DCT: variants seen among roughly 807,000 people sequenced by gnomAD.
DCT encodes the protein dopachrome tautomerase.
DCT carries 47 observed loss-of-function variants against 53.0 expected under a neutral mutation model. That is an observed-to-expected ratio of 0.89 (90% CI 0.70 to 1.13). DCT has a LOEUF of 1.13. Ranked by LOEUF, DCT falls within the 50% of genes most tolerant of loss-of-function variation. The probability of loss-of-function intolerance (pLI) is 0.00; values close to 1 mark genes in which losing one functional copy is unlikely to be tolerated. For synonymous variants in DCT, 244 were observed against 237.0 expected (o/e 1.03, Z -0.27); for missense variants, 669 against 637.4 (o/e 1.05, Z -0.53).
intron 6 of DCT, among the ~76,000 whole-genome samples, chr13:94,449,251 G>A (rs1428750712): frequency 1.3e-5 from 2 of 152,178 alleles, no homozygotes; most frequent in African/African-American, 2.4e-5. Flanking sequence ...ACAAGAAAGT[G>A]TGCATTATTT....
At chr13:94,461,235 T>C (rs1883766570) in intron 5 of DCT, among the ~76,000 whole-genome samples, 1 of 152,198 alleles carries the variant, frequency 6.6e-6, no homozygotes, top group South Asian at 2.1e-4. Context: ...GAAATGCAAG[T>C]TGTTAAGACA....
At chr13:94,504,465 T>C in the DCT span, among the ~76,000 whole-genome samples, 1 of 152,204 alleles carries the variant, frequency 6.6e-6, no homozygotes, top group Non-Finnish European at 1.5e-5. Flanking sequence ...CCTCCCAGGT[T>C]CCAGTGATTC....
At chr13:94,495,854 G>A in the DCT span, among the ~76,000 whole-genome samples, 1 of 152,260 alleles carries the variant, frequency 6.6e-6, no homozygotes, top group African/African-American at 2.4e-5. Flanking sequence ...TTTAAATCTG[G>A]TTATAAATAA....
the DCT span, among the ~76,000 whole-genome samples, chr13:94,527,743 G>A: frequency 6.6e-6 from 1 of 152,190 alleles, no homozygotes; most frequent in Non-Finnish European, 1.5e-5. Flanking sequence ...CCAAAGGATT[G>A]CAGCTCCTCG....
the DCT span, among the ~76,000 whole-genome samples, chr13:94,505,230 C>T: frequency 1.6e-4 from 24 of 150,926 alleles, no homozygotes; most frequent in East Asian, 3.5e-3. Context: ...CGCATTTTAT[C>T]ATTATCTTAC....
the DCT span, among the ~76,000 whole-genome samples, chr13:94,500,968 T>C: frequency 1.8e-4 from 27 of 152,194 alleles, no homozygotes; most frequent in African/African-American, 6.3e-4. Context: ...TGATTTTTAG[T>C]TTCTTTTTTT....
chr13:94,472,540 A>T (rs1452472782), intron 1 of DCT, among the ~76,000 whole-genome samples: 1 of 38,966 alleles, frequency 2.6e-5, no homozygotes, highest in Non-Finnish European at 3.9e-5. Context: ...ATATATATAT[A>T]TATATATATA....
intron 6 of DCT, among the ~76,000 whole-genome samples, chr13:94,446,927 T>C (rs1882772795): frequency 6.6e-6 from 1 of 152,186 alleles, no homozygotes; most frequent in Non-Finnish European, 1.5e-5. Flanking sequence ...CATTTTATGT[T>C]AATAAACTAT....
intron 6 of DCT, among the ~76,000 whole-genome samples, chr13:94,454,452 T>C (rs540448240): frequency 5.9e-5 from 9 of 152,318 alleles, no homozygotes; most frequent in African/African-American, 2.2e-4. Context: ...TTCTGGATTA[T>C]ATCTAAATTT....
chr13:94,466,016 A>ATATATAC (rs1555333553), intron 3 of DCT, among the ~76,000 whole-genome samples: 22 of 80,972 alleles, frequency 2.7e-4, no homozygotes, highest in Non-Finnish European at 3.8e-4. Context: ...ATATATATAT[A>ATATATAC]TATATATACT....
At chr13:94,469,186 T>C (rs1884454145) in intron 1 of DCT, 141 bp from the exon 2 acceptor site, 1 of 675,286 alleles carries the variant, frequency 1.5e-6, no homozygotes. Context: ...TTTCCTCCCA[T>C]GGTCTCCTCT....
chr13:94,459,558 A>G (rs962032943), intron 6 of DCT, among the ~76,000 whole-genome samples: 1 of 151,972 alleles, frequency 6.6e-6, no homozygotes. Flanking sequence ...GTTCTAGGAG[A>G]TTGTTTATGT....
chr13:94,498,715 T>C, the DCT span, among the ~76,000 whole-genome samples: 1 of 152,220 alleles, frequency 6.6e-6, no homozygotes, highest in African/African-American at 2.4e-5. Context: ...ACTTCCTGGG[T>C]CGAGTGGGGA....
the DCT span, among the ~76,000 whole-genome samples, chr13:94,534,640 A>G: frequency 6.6e-6 from 1 of 152,244 alleles, no homozygotes; most frequent in African/African-American, 2.4e-5. Flanking sequence ...TTTGTTTGAA[A>G]GAAAAAATGG....
the DCT span, among the ~76,000 whole-genome samples, chr13:94,534,017 A>T: frequency 6.6e-6 from 1 of 152,114 alleles, no homozygotes; most frequent in Non-Finnish European, 1.5e-5. Flanking sequence ...CACTTACTAC[A>T]CCTGTGATGC....
intron 6 of DCT, among the ~76,000 whole-genome samples, chr13:94,449,032 A>T (rs1882917285): frequency 1.3e-5 from 2 of 152,044 alleles, no homozygotes; most frequent in African/African-American, 4.8e-5. Flanking sequence ...GAATTTTGGC[A>T]TATAAACCTA....
chr13:94,475,863 C>T (rs946304416), intron 1 of DCT, among the ~76,000 whole-genome samples: 6 of 152,196 alleles, frequency 3.9e-5, no homozygotes, highest in Non-Finnish European at 8.8e-5. Context: ...AACTGGGAAA[C>T]ATTAAAAGTC....
rs1479907240 is a variant in DCT, at chr13:94,439,878, T to C, written c.*20A>G. ...ACTGTGGCTTGGCCAGCCTCTTCTC[T>C]TAGGTAAGGCATGAGCACCCTAGGC... On this transcript the variant is annotated 3_prime_UTR_variant, in exon 8 of 8. Coordinates refer to ENST00000377028, the MANE Select transcript of DCT (RefSeq NM_001922.5). 1 of 1,594,400 alleles carries C rather than the reference T, an allele frequency of 6.3e-7. No homozygotes were observed.
At chr13:94,500,474 T>C in the DCT span, among the ~76,000 whole-genome samples, 3 of 152,232 alleles carry the variant, frequency 2.0e-5, no homozygotes, top group South Asian at 2.1e-4. Context: ...GTGGGAATTA[T>C]GGGAGCTATA....
Sources: allele counts gnomAD v4.1 joint callset (sites outside exome capture counted in the v4.1 genomes callset), GRCh38; gene constraint gnomAD v4.1.1; transcripts MANE v1.5; gene names NCBI Gene and HGNC (gene_info 2026-07-23, HGNC 2026-07-21).